TUSC3: variants seen among roughly 807,000 people sequenced by gnomAD.
The protein encoded by TUSC3 is tumor suppressor candidate 3, also known as dolichyl-diphosphooligosaccharide--protein glycosyltransferase subunit TUSC3.
A neutral mutation model predicts 44.8 loss-of-function variants in TUSC3; 45 were observed. That is an observed-to-expected ratio of 1.00 (90% CI 0.79 to 1.29). The LOEUF is 1.29. Ranked by LOEUF, TUSC3 falls within the 50% of genes most tolerant of loss-of-function variation. TUSC3 has a pLI of 0.00. For missense variants in TUSC3, 519 were observed against 437.9 expected, an observed-to-expected ratio of 1.19 and a Z score of -1.65; for synonymous variants, 212 against 152.9, an observed-to-expected ratio of 1.39 and a Z score of -2.85.
At chr8:15,684,408 AC>A (rs1808543722) in intron 6 of TUSC3, among the ~76,000 whole-genome samples, 1 of 152,050 alleles carries the variant, frequency 6.6e-6, no homozygotes, top group South Asian at 2.1e-4. Flanking sequence ...CGTGTGTACA[AC>A]TGGTATATTT....
In TUSC3 at chr8:15,573,168, T is replaced by TTCTCTC. The variant is rs1554516638; in HGVS notation, c.138+32630_138+32635dup. Among the ~76,000 whole-genome samples the TTCTCTC allele has an allele frequency of 9.2e-4, 79 of 85,540 alleles. 1 individual carries two copies. The highest frequency in any genetic ancestry group is 2.0e-3 in the East Asian group (6 of 2,948). The allele number at this position is 85,540 out of a possible 152,430, so 56.1% of individuals were successfully genotyped here. ...TGCTTCAGTATAGTGTTCTCTCTCT[T>TTCTCTC]TCTCTCTCTCTCTCTCTCTCTCTCT... On this transcript the variant is annotated intron_variant, in intron 1 of 10. Coordinates refer to ENST00000503731, the MANE Select transcript of TUSC3 (RefSeq NM_006765.4).
At chr8:15,704,255 GTTTT>G (rs373598712) in intron 6 of TUSC3, among the ~76,000 whole-genome samples, 2 of 137,076 alleles carry the variant, frequency 1.5e-5, no homozygotes, top group Admixed American at 7.4e-5. Context: ...ATTCTTAATG[GTTTT>G]TTTTTTTTTT....
the TUSC3 span, among the ~76,000 whole-genome samples, chr8:15,788,249 TG>T: frequency 0.08 from 12,214 of 152,176 alleles, 500 homozygotes; most frequent in Non-Finnish European, 0.1. Flanking sequence ...TCCATTCTTG[TG>T]GGGGAGGTAA....
chr8:15,742,451 A>C (rs1226842332), intron 7 of TUSC3, among the ~76,000 whole-genome samples: 1 of 152,316 alleles, frequency 6.6e-6, no homozygotes, highest in East Asian at 1.9e-4. Context: ...TCAAATATGA[A>C]CATTATAATT....
intron 6 of TUSC3, among the ~76,000 whole-genome samples, chr8:15,698,072 T>C (rs1344838510): frequency 1.3e-5 from 2 of 152,198 alleles, no homozygotes; most frequent in Non-Finnish European, 2.9e-5. Context: ...TGCTGTTCTT[T>C]ACTATAACTT....
chr8:15,830,114 G>A, the TUSC3 span, among the ~76,000 whole-genome samples: 1 of 148,916 alleles, frequency 6.7e-6, no homozygotes, highest in Non-Finnish European at 1.5e-5. Context: ...GTCTGTTCAT[G>A]TCCTCTGCCC....
At chr8:15,719,783 G>A (rs967589463) in intron 6 of TUSC3, among the ~76,000 whole-genome samples, 1 of 151,994 alleles carries the variant, frequency 6.6e-6, no homozygotes. Flanking sequence ...CCAGGAAACT[G>A]CGCCATATGT....
upstream of TUSC3, among the ~76,000 whole-genome samples, chr8:15,537,180 A>G (rs926827345): frequency 6.6e-6 from 1 of 152,064 alleles, no homozygotes; most frequent in Non-Finnish European, 1.5e-5. Flanking sequence ...TGCTCTGCAC[A>G]ATAAAACTTG....
At chr8:15,573,362 CTTGT>C (rs1429122779) in intron 1 of TUSC3, among the ~76,000 whole-genome samples, 2 of 151,430 alleles carry the variant, frequency 1.3e-5, no homozygotes, top group Non-Finnish European at 2.9e-5. Flanking sequence ...CCTTACTGGG[CTTGT>C]TTGTGTCAGG....
At chr8:15,658,209 T>A (rs980310132) in intron 3 of TUSC3, among the ~76,000 whole-genome samples, 1 of 152,180 alleles carries the variant, frequency 6.6e-6, no homozygotes, top group Non-Finnish European at 1.5e-5. Context: ...TGGAGGTAAA[T>A]AATGGAAATT....
chr8:15,693,585 T>C (rs909620962), intron 6 of TUSC3, among the ~76,000 whole-genome samples: 2 of 151,994 alleles, frequency 1.3e-5, no homozygotes, highest in African/African-American at 4.8e-5. Context: ...CTTAGCTTTT[T>C]TTTCCTTTCA....
chr8:15,763,413 C>A (rs201027844), intron 10 of TUSC3, among the ~76,000 whole-genome samples: 1 of 150,140 alleles, frequency 6.7e-6, no homozygotes, highest in Admixed American at 6.7e-5. Flanking sequence ...TTTTTGTTTT[C>A]TTTTTTTAAG....
intron 1 of TUSC3, among the ~76,000 whole-genome samples, chr8:15,430,769 AC>A (rs1799863356): frequency 6.6e-6 from 1 of 151,746 alleles, no homozygotes; most frequent in African/African-American, 2.4e-5. Context: ...CTGATAAGCA[AC>A]TTCAGCAAAA....
the TUSC3 span, among the ~76,000 whole-genome samples, chr8:15,816,705 T>C: frequency 6.6e-6 from 1 of 152,202 alleles, no homozygotes; most frequent in Non-Finnish European, 1.5e-5. Flanking sequence ...GACATTCACA[T>C]GCTCTCAAAT....
At chr8:15,476,056 A>G (rs1800570476) in intron 1 of TUSC3, among the ~76,000 whole-genome samples, 2 of 152,160 alleles carry the variant, frequency 1.3e-5, no homozygotes, top group Non-Finnish European at 2.9e-5. Flanking sequence ...GTTTGCTCCT[A>G]CTTAGAAATT....
intron 2 of TUSC3, among the ~76,000 whole-genome samples, chr8:15,518,339 G>C (rs1199046063): frequency 6.6e-6 from 1 of 151,956 alleles, no homozygotes; most frequent in East Asian, 1.9e-4. Context: ...ACATGTTACA[G>C]TTTTATCCAT....
At chr8:15,561,775 C>CGTCA (rs1802475666) in intron 1 of TUSC3, 1 of 151,264 alleles carries the variant, frequency 6.6e-6, no homozygotes, top group African/African-American at 2.4e-5. Context: ...TTCCAGGTGC[C>CGTCA]GTCCGTCACC....
Position 15,632,261 on chromosome 8 carries a change from C to CT in TUSC3, c.308+9021dup, listed in dbSNP as rs202242631. On this transcript the variant is annotated intron_variant, in intron 2 of 10. Transcript: ENST00000503731. The stretch of plus-strand genomic sequence containing the variant: ...AAAGTATTTGTTTTAATGATGGTGA[C>CT]TTTTTTTTTCCCTGAGGAATCCAAG... 5.3e-3 allele frequency among the ~76,000 whole-genome samples: 805 copies of CT among 151,520 alleles called. 2 individuals are homozygous for CT. Among genetic ancestry groups the CT allele is most frequent in the African/African-American group, 0.018 (724 of 41,292 alleles).
At chr8:15,779,343 C>G in the TUSC3 span, among the ~76,000 whole-genome samples, 1 of 152,074 alleles carries the variant, frequency 6.6e-6, no homozygotes, top group Admixed American at 6.6e-5. Context: ...GCTGATATTA[C>G]AAGCATGAGC....
Sources: gnomAD v4.1 joint callset for allele counts (sites outside exome capture counted in the v4.1 genomes callset) on GRCh38, gnomAD v4.1.1 for gene constraint, MANE v1.5 for transcripts, NCBI Gene and HGNC (gene_info 2026-07-23, HGNC 2026-07-21) for gene names.